ZNF658: variants seen among roughly 807,000 people sequenced by gnomAD.
ZNF658 encodes zinc finger protein 658.
A neutral mutation model predicts 78.0 loss-of-function variants in ZNF658; 46 were observed. That is an observed-to-expected ratio of 0.59 (90% CI 0.47 to 0.75). ZNF658 has a LOEUF of 0.75. ZNF658 is among the 30% of genes least tolerant of loss of function. The pLI, the probability that ZNF658 is intolerant of heterozygous loss-of-function variation, is 0.00. For synonymous variants in ZNF658, 279 were observed against 408.4 expected, an observed-to-expected ratio of 0.68 and a Z score of 3.82; for missense variants, 785 against 1,189.3, an observed-to-expected ratio of 0.66 and a Z score of 5.00.
intron 4 of ZNF658, among the ~76,000 whole-genome samples, chr9:66,915,108 G>A (rs1822305222): frequency 6.6e-6 from 1 of 150,380 alleles, no homozygotes; most frequent in South Asian, 2.1e-4. Flanking sequence ...CATATATAGA[G>A]GAAGATTTCA....
Position 66,920,233 on chromosome 9 carries a change from G to T in ZNF658, c.2667G>T (p.Lys889Asn). 1 of 1,605,756 alleles carries T rather than the reference G, an allele frequency of 6.2e-7. No homozygotes were observed. Among genetic ancestry groups the T allele is most frequent in the Middle Eastern group, 1.7e-4 (1 of 5,860 alleles). ...CCTATGAATGTAATGACTGTGGGAA[G>T]ACTTTCTCCAAGACATCACATCTCA... The part of the protein sequence containing the change: ...EKPYECNDCG[K>N]TFSKTSHLRA... The change falls in exon 5 of 5, where the codon AAG becomes AAT. Residue 889 changes from lysine (K) to asparagine (N), a missense_variant. Lys to Asn is a moderately conservative substitution (Grantham distance 94). Around this residue, in one of 12 missense-constraint regions of ZNF658, gnomAD observed 85 missense variants for 108.6 expected, o/e 0.78. Transcript: ENST00000621410.
chr9:66,901,418 C>T (rs1177463848), intron 1 of ZNF658, among the ~76,000 whole-genome samples: 1 of 151,816 alleles, frequency 6.6e-6, no homozygotes, highest in Non-Finnish European at 1.5e-5. Context: ...TGCCTAAAGC[C>T]TTCAGAGCGC....
rs1356060578 is a variant in ZNF658, at chr9:66,930,508, T to A, written c.*55-1517T>A. Among the ~76,000 whole-genome samples the A allele has an allele frequency of 2.0e-5, 3 of 150,522 alleles. No individual in the cohort carries two copies. The South Asian group carries it at 6.4e-4, about 32-fold the overall frequency. On this transcript the variant is annotated intron_variant and NMD_transcript_variant, in intron 6 of 6. Transcript: ENST00000622180. ...AGGGGTGAGCAAGAAGCTCTACAGT[T>A]AAAATTTAATGGAATTTTCAGCCCG...
chr9:66,919,899 CTT>C lies in ZNF658; in HGVS notation c.2335_2336del (p.Phe779LeufsTer10). The C allele has an allele frequency of 6.2e-7, 1 of 1,602,108 alleles. No individual in the cohort carries two copies. The highest frequency in any genetic ancestry group is 8.5e-7 in the Non-Finnish European group (1 of 1,173,270). ...TATGAATGTAGCAAGTGTGGGAAAA[CTT>C]TCTCCCAGAAATCATACCTCAGTGG... is the stretch of plus-strand genomic sequence containing the variant. On this transcript the variant is annotated frameshift_variant, in exon 5 of 5. Transcript: ENST00000621410. LOFTEE classifies it high-confidence loss of function.
At chr9:66,931,688 C>A (rs930803243) in intron 6 of ZNF658, among the ~76,000 whole-genome samples, 1 of 140,890 alleles carries the variant, frequency 7.1e-6, no homozygotes, top group African/African-American at 2.6e-5. Context: ...CAAAAGAAAT[C>A]TCTTGATAAA....
At chr9:66,915,687 T>G (rs1312758984) in intron 4 of ZNF658, among the ~76,000 whole-genome samples, 1 of 151,996 alleles carries the variant, frequency 6.6e-6, no homozygotes, top group East Asian at 1.9e-4. Context: ...CTTGAATGTC[T>G]GTTAGTAGTT....
Position 66,919,215 on chromosome 9 carries a change from A to G in ZNF658, c.1649A>G (p.Glu550Gly). 1.7e-6 allele frequency: 1 copy of G among 581,222 alleles called. No individual in the cohort carries two copies. The highest frequency in any genetic ancestry group is 2.8e-6 in the Non-Finnish European group (1 of 360,864). The allele number at this position is 581,222 out of a possible 1,614,324, so 36.0% of individuals were successfully genotyped here. Residue 550 changes from glutamate (E) to glycine (G), a missense_variant, in exon 5 of 5, where the codon GAA becomes GGA. Physicochemically the swap from Glu to Gly is moderately conservative, Grantham distance 98 (BLOSUM62 -2). This residue lies in a region of ZNF658 where 393 missense variants were observed against 400.2 expected (regional missense o/e 0.98). Coordinates refer to ENST00000621410, the MANE Select transcript of ZNF658 (RefSeq NM_033160.7). ...HTGEKPYECVECEKTFSHKTH... is the reference protein window; with the variant it reads ...HTGEKPYECVGCEKTFSHKTH... The stretch of plus-strand genomic sequence containing the variant: ...GGTGAAAAACCCTATGAATGTGTTG[A>G]ATGTGAGAAAACTTTCTCTCACAAG...
In ZNF658 at chr9:66,919,557, G is replaced by A; in HGVS notation, c.1991G>A (p.Gly664Glu). ...AAACCCTATGAATGTAATGAATGTG[G>A]GAGATCTTTCACCTACAATTCAGCC... is the stretch of plus-strand genomic sequence containing the variant. ...GEKPYECNECGRSFTYNSALR... is the reference protein window; with the variant it reads ...GEKPYECNECERSFTYNSALR... Residue 664 changes from glycine to glutamate, a missense_variant, in exon 5 of 5, where the codon GGG becomes GAG. Coordinates refer to ENST00000621410, the MANE Select transcript of ZNF658 (RefSeq NM_033160.7). 6.2e-7 allele frequency: 1 copy of A among 1,611,344 alleles called. No homozygotes were observed. The highest frequency in any genetic ancestry group is 2.2e-5 in the East Asian group (1 of 44,802).
intron 6 of ZNF658, among the ~76,000 whole-genome samples, chr9:66,930,686 A>G (rs1364397921): frequency 6.6e-6 from 1 of 152,128 alleles, no homozygotes; most frequent in Admixed American, 6.6e-5. Context: ...CAAAAAAAAA[A>G]TGGAATTTTC....
In ZNF658 at chr9:66,920,948, A is replaced by G. The variant is rs982762501; in HGVS notation, c.*202A>G. 5.6e-4 allele frequency: 369 copies of G among 659,886 alleles called. No homozygotes were observed. The highest frequency in any genetic ancestry group is 1.1e-3 in the South Asian group (56 of 51,238). The allele number at this position is 659,886 out of a possible 1,614,324, so 40.9% of individuals were successfully genotyped here. ...ACATTTACCCTTGGCCCTTAAAAAA[A>G]AAAAAGAAAAACCCTCACAGTCTTC... On this transcript the variant is annotated 3_prime_UTR_variant, in exon 5 of 5. Coordinates refer to ENST00000621410, the MANE Select transcript of ZNF658 (RefSeq NM_033160.7).
At chr9:66,913,578 T>C (rs1048468969) in intron 4 of ZNF658, among the ~76,000 whole-genome samples, 3 of 152,156 alleles carry the variant, frequency 2.0e-5, no homozygotes, top group Non-Finnish European at 4.4e-5. Context: ...TAAAACTGAA[T>C]ATTAATTTTG....
intron 4 of ZNF658, among the ~76,000 whole-genome samples, chr9:66,914,954 C>G (rs1478000922): frequency 6.6e-6 from 1 of 152,010 alleles, no homozygotes; most frequent in African/African-American, 2.4e-5. Context: ...CTTTTATTTT[C>G]TAGAAGACAT....
At chr9:66,926,017 A>G (rs1822582964), downstream of ZNF658, among the ~76,000 whole-genome samples, 1 of 136,240 alleles carries the variant, frequency 7.3e-6, no homozygotes, top group African/African-American at 2.6e-5. Context: ...TAAAAATAAT[A>G]ATTTGATAAA....
At chr9:66,908,882 C>T (rs1822147204) in intron 4 of ZNF658, 148 bp downstream of exon 4, 1 of 607,572 alleles carries the variant, frequency 1.6e-6, no homozygotes, top group Non-Finnish European at 3.0e-6. Flanking sequence ...TCAGTGACTT[C>T]AAGCAACCAC....
chr9:66,904,675 G>A (rs1822032731), intron 2 of ZNF658, among the ~76,000 whole-genome samples: 1 of 152,038 alleles, frequency 6.6e-6, no homozygotes, highest in Non-Finnish European at 1.5e-5. Flanking sequence ...AAGAAGCTGT[G>A]TACACTGTAA....
chr9:66,908,658 T>C lies in ZNF658; in HGVS notation c.162T>C (p.Pro54=), dbSNP rs4339693. The C allele has an allele frequency of 0.81, 1,066,581 of 1,316,352 alleles. 451,240 individuals carry two copies. Among genetic ancestry groups the C allele is most frequent in the East Asian group, 0.91 (39,441 of 43,466 alleles). 81.5% of individuals were successfully genotyped at this position (1,316,352 alleles called of 1,614,324 possible). The change falls in exon 4 of 5, where the codon CCT becomes CCC. Residue 54 remains proline, a synonymous_variant. Coordinates refer to ENST00000621410, the MANE Select transcript of ZNF658 (RefSeq NM_033160.7). ...TTACAGGATATTGCATTACTAAACC[T>C]AAGGTGATCTCCAAGTTGGAGAAAG... ...LISVGYCITK[P]KVISKLEKGE...
At chr9:66,907,647 G>A (rs1212933328) in intron 2 of ZNF658, among the ~76,000 whole-genome samples, 1 of 152,182 alleles carries the variant, frequency 6.6e-6, no homozygotes, top group Non-Finnish European at 1.5e-5. Context: ...TTTTTTAAAA[G>A]GAGCTTCTCA....
At position 66,918,709 on chromosome 9, in the gene ZNF658, C is replaced by G; in HGVS notation, c.1143C>G (p.Tyr381Ter). 2.5e-6 allele frequency: 4 copies of G among 1,613,952 alleles called. No individual in the cohort carries two copies. The highest frequency in any genetic ancestry group is 3.4e-6 in the Non-Finnish European group (4 of 1,179,864). ...GAATTCACACAGAAGATAAATTCTA[C>G]CTTTCTGATGAACATGGGAAATGCA... ...HQRIHTEDKF[Y>*]LSDEHGKCRK... is the part of the protein sequence containing the mutation. The change falls in exon 5 of 5, where the codon TAC becomes TAG. Residue 381 changes from tyrosine (Y) to a stop codon, truncating the protein, a stop_gained. Transcript: ENST00000621410. LOFTEE classifies it high-confidence loss of function.
downstream of ZNF658, among the ~76,000 whole-genome samples, chr9:66,925,452 G>A (rs1280792597): frequency 1.3e-5 from 2 of 151,980 alleles, no homozygotes; most frequent in African/African-American, 4.8e-5. Context: ...AGAAACTGCT[G>A]TGAGAAAAAA....
Sources: allele counts gnomAD v4.1 joint callset (sites outside exome capture counted in the v4.1 genomes callset), GRCh38; gene constraint gnomAD v4.1.1; regional missense constraint gnomAD v4.1.1; transcripts MANE v1.5; gene names NCBI Gene and HGNC (gene_info 2026-07-23, HGNC 2026-07-21).